Variants in TRIM15 observed in about 807,000 individuals in gnomAD.
TRIM15 encodes E3 ubiquitin-protein ligase TRIM15.
A neutral mutation model predicts 35.8 loss-of-function variants in TRIM15; 35 were observed. The observed-to-expected ratio is 0.98, with a 90% CI of 0.75 to 1.30. The LOEUF (loss-of-function observed/expected upper bound fraction) is 1.30, where lower values mean the gene tolerates loss of function less well. TRIM15 is among the 50% of genes most tolerant of loss of function. The pLI is 0.00. For missense variants in TRIM15, 590 were observed against 593.5 expected, an observed-to-expected ratio of 0.99 and a Z score of 0.06; for synonymous variants, 252 against 249.8, an observed-to-expected ratio of 1.01 and a Z score of -0.08.
At position 30,169,272 on chromosome 6, in the gene TRIM15, C is replaced by A. The variant is rs746614167; in HGVS notation, c.731+9C>A. 1.9e-6 allele frequency: 3 copies of A among 1,613,088 alleles called. No homozygotes were observed. The highest frequency in any genetic ancestry group is 2.5e-6 in the Non-Finnish European group (3 of 1,180,002). ...AGAGTCAACCAGAGCAGGTAGGGCC[C>A]ACTCCCCGGTCCTGCCTCCTTTTAC... On this transcript the variant is annotated intron_variant, in intron 4 of 6. Coordinates refer to ENST00000376694, the MANE Select transcript of TRIM15 (RefSeq NM_033229.3).
Position 30,172,619 on chromosome 6 carries a change from A to G in TRIM15, c.*270A>G. On this transcript the variant is annotated 3_prime_UTR_variant, in exon 7 of 7. Coordinates refer to ENST00000376694, the MANE Select transcript of TRIM15 (RefSeq NM_033229.3). ...TCGGCTGTGCCTAGGGCAACAGCCA[A>G]CCTAGGAGCCAGCGGGCTTTCGGGG... 2.9e-6 allele frequency: 2 copies of G among 679,040 alleles called. No individual in the cohort carries two copies. The highest frequency in any genetic ancestry group is 1.6e-5 in the South Asian group (1 of 64,204). 42.1% of individuals were successfully genotyped at this position (679,040 alleles called of 1,614,324 possible).
At chr6:30,171,197 A>G (rs1773992588) in intron 6 of TRIM15, 189 bp downstream of exon 6, 3 of 615,198 alleles carry the variant, frequency 4.9e-6, no homozygotes, top group Non-Finnish European at 8.3e-6. Flanking sequence ...CATCAGTAAA[A>G]TGAAAATAAA....
rs1324237557 is a variant in TRIM15, at chr6:30,170,377, C to G, written c.732-124C>G. 8.2e-6 allele frequency: 5 copies of G among 610,388 alleles called. No individual in the cohort carries two copies. The Admixed American group carries it at 1.5e-4, about 19-fold the overall frequency. 37.8% of individuals were successfully genotyped at this position (610,388 alleles called of 1,614,324 possible). A position where few individuals can be genotyped will look rare whatever the true frequency, so the allele number is the denominator to read the frequency against. On this transcript the variant is annotated intron_variant, in intron 4 of 6. Coordinates refer to ENST00000376694, the MANE Select transcript of TRIM15 (RefSeq NM_033229.3). ...TTCCAGCAAAAGTAAAGAAATGATACTCAATTTCATTATTCACCACAGACG... is the reference window on the plus strand; with the variant it reads ...TTCCAGCAAAAGTAAAGAAATGATAGTCAATTTCATTATTCACCACAGACG...
Position 30,167,179 on chromosome 6 carries a change from C to T in TRIM15, c.385C>T (p.Arg129Cys), listed in dbSNP as rs373372000. Residue 129 changes from arginine (R) to cysteine (C), a missense_variant, in exon 2 of 7, where the codon CGT (arginine) becomes TGT (cysteine). Physicochemically the swap from Arg to Cys is radical, Grantham distance 180 (BLOSUM62 -3). Transcript: ENST00000376694. ...CCACCCATTCTTCTCCCCACAGGATCGTCTCAGGAGTCGACTGGAAGCTCT... is the reference window on the plus strand; with the variant it reads ...CCACCCATTCTTCTCCCCACAGGATTGTCTCAGGAGTCGACTGGAAGCTCT... The part of the protein sequence containing the change: ...LDEAIQPYRD[R>C]LRSRLEALST... 23 of 1,612,498 alleles carry T rather than the reference C, an allele frequency of 1.4e-5. No individual in the cohort carries two copies. The highest frequency in any genetic ancestry group is 1.9e-5 in the Non-Finnish European group (22 of 1,179,554).
intron 1 of TRIM15, among the ~76,000 whole-genome samples, chr6:30,165,169 A>G (rs1773508376): frequency 6.6e-6 from 1 of 151,888 alleles, no homozygotes; most frequent in Non-Finnish European, 1.5e-5. Context: ...TTTGTTACAT[A>G]GGTATATACG....
At chr6:30,169,516 T>C (rs1302506819) in intron 4 of TRIM15, 13 of 696,380 alleles carry the variant, frequency 1.9e-5, no homozygotes, top group Non-Finnish European at 3.4e-5. Context: ...ATAATAATCA[T>C]GTTTTTAGGT....
At position 30,163,553 on chromosome 6, in the gene TRIM15, T is replaced by TG; in HGVS notation, c.-132_-131insG. The TG allele has an allele frequency of 9.5e-6, 12 of 1,262,000 alleles. No homozygotes were observed. The highest frequency in any genetic ancestry group is 1.3e-5 in the Non-Finnish European group (12 of 934,932). The allele number at this position is 1,262,000 out of a possible 1,614,324, so 78.2% of individuals were successfully genotyped here. On this transcript the variant is annotated 5_prime_UTR_variant, in exon 1 of 7. Coordinates refer to ENST00000376694, the MANE Select transcript of TRIM15 (RefSeq NM_033229.3). ...GCTGGCATTCTTGCCTCTCTCTCTC[T>TG]TTCTCTCTCTCTGTCTCTTAGCCTT...
At chr6:30,167,554 G>A (rs368336814) in intron 2 of TRIM15, among the ~76,000 whole-genome samples, 11 of 152,196 alleles carry the variant, frequency 7.2e-5, no homozygotes, top group African/African-American at 2.4e-4. Context: ...CAAAGCTGAA[G>A]TTCATGAGGA....
Position 30,172,061 on chromosome 6 carries a change from G to T in TRIM15, c.1110G>T (p.Glu370Asp). 1.3e-6 allele frequency: 2 copies of T among 1,570,828 alleles called. No individual in the cohort carries two copies. Among genetic ancestry groups the T allele is most frequent in the Non-Finnish European group, 1.7e-6 (2 of 1,158,234 alleles). ...GCTGCACGGTGGGGGTGGCCGGGGA[G>T]GGGGTGAGGAGGAAGGGAGAGATGG... ...GGGCTVGVAGEGVRRKGEMGL... is the reference protein window; with the variant it reads ...GGGCTVGVAGDGVRRKGEMGL... Residue 370 changes from glutamate to aspartate, a missense_variant, in exon 7 of 7, where the codon GAG (glutamate) becomes GAT (aspartate). Coordinates refer to ENST00000376694, the MANE Select transcript of TRIM15 (RefSeq NM_033229.3).
intron 3 of TRIM15, 132 bp downstream of exon 3, chr6:30,168,662 G>A: frequency 2.3e-6 from 2 of 866,288 alleles, no homozygotes; most frequent in South Asian, 2.9e-5. Flanking sequence ...GATCCAGAGG[G>A]GCTGGAGACT....
chr6:30,168,727 G>A, intron 3 of TRIM15, 197 bp downstream of exon 3: 1 of 626,762 alleles, frequency 1.6e-6, no homozygotes, highest in Non-Finnish European at 2.8e-6. Flanking sequence ...GACAGTCTTG[G>A]ATTTGAATGT....
Position 30,171,015 on chromosome 6 carries a change from A to G in TRIM15, c.880+7A>G, listed in dbSNP as rs367907513. 1.6e-5 allele frequency: 26 copies of G among 1,611,210 alleles called. No homozygotes were observed. In the African/African-American group the frequency reaches 3.1e-4, roughly 19 times the overall value. On this transcript the variant is annotated splice_region_variant and intron_variant, in intron 6 of 6. Transcript: ENST00000376694. ...CATCTGGAAATAGATTCAGGTAAAC[A>G]GCTTGGGATTTGGGGAGTCATTCTT...
chr6:30,170,113 TC>T (rs977668271), intron 4 of TRIM15, among the ~76,000 whole-genome samples: 1 of 152,134 alleles, frequency 6.6e-6, no homozygotes, highest in African/African-American at 2.4e-5. Flanking sequence ...CCTTTTTTTT[TC>T]TTCCCTTCTA....
At position 30,172,319 on chromosome 6, in the gene TRIM15, AAAAGGTTCCT is replaced by A; in HGVS notation, c.1369_1378del (p.Lys457AlafsTer4). Reference sequence around the variant, plus strand: ...TCTTCCCTTTCTTTGCCGTCTGGAAAAAAGGTTCCTGCCTTACGCTGAAAGGCTGAAGTGG... The same window carrying A: ...TCTTCCCTTTCTTTGCCGTCTGGAAAGCCTTACGCTGAAAGGCTGAAGTGG... On this transcript the variant is annotated frameshift_variant, in exon 7 of 7. Coordinates refer to ENST00000376694, the MANE Select transcript of TRIM15 (RefSeq NM_033229.3). LOFTEE classifies it low-confidence loss of function (END_TRUNC). 3.1e-6 allele frequency: 5 copies of A among 1,611,930 alleles called. No individual in the cohort carries two copies. Among genetic ancestry groups the A allele is most frequent in the Non-Finnish European group, 4.2e-6 (5 of 1,179,478 alleles).
chr6:30,171,800 C>A, intron 6 of TRIM15, 32 bp from the exon 7 acceptor site: 1 of 1,480,912 alleles, frequency 6.8e-7, no homozygotes, highest in Non-Finnish European at 9.0e-7. Context: ...GGTTGCCGCC[C>A]GCTGTTGATG....
In TRIM15 at chr6:30,169,119, C is replaced by T. The variant is rs539481923; in HGVS notation, c.709-122C>T. ...ACAATCTAATGAGTAGGTAATTAAACAGGACAACTCTCTGCAGAAGGAGAG... is the reference window on the plus strand; with the variant it reads ...ACAATCTAATGAGTAGGTAATTAAATAGGACAACTCTCTGCAGAAGGAGAG... On this transcript the variant is annotated intron_variant, in intron 3 of 6. Transcript: ENST00000376694. The T allele has an allele frequency of 6.4e-5, 76 of 1,179,266 alleles. No individual in the cohort carries two copies. In the East Asian group the frequency reaches 1.7e-3, roughly 27 times the overall value. 73.1% of individuals were successfully genotyped at this position (1,179,266 alleles called of 1,614,324 possible).
At chr6:30,165,196 T>C (rs1194594754) in intron 1 of TRIM15, among the ~76,000 whole-genome samples, 3 of 152,134 alleles carry the variant, frequency 2.0e-5, no homozygotes, top group Non-Finnish European at 4.4e-5. Context: ...GGTGGTTTGC[T>C]GCACCCATCA....
rs750714378 is a variant in TRIM15 at position 30,170,593 on chromosome 6, C to A, written c.824C>A (p.Pro275Gln). The change falls in exon 5 of 7, where the codon CCA (proline) becomes CAA (glutamine). Residue 275 changes from proline (P) to glutamine (Q), a missense_variant. By Grantham distance (76) the Pro-to-Gln change is moderately conservative. Coordinates refer to ENST00000376694, the MANE Select transcript of TRIM15 (RefSeq NM_033229.3). ...TTCCACAGGAAAATACTCACCCTCC[C>A]AGAGATGATGAGGATGTTCTCAGGT... is the stretch of plus-strand genomic sequence containing the variant. ...RDFHRKILTL[P>Q]EMMRMFSENL... 28 of 1,613,844 alleles carry A rather than the reference C, an allele frequency of 1.7e-5. No individual in the cohort carries two copies. The highest frequency in any genetic ancestry group is 2.2e-5 in the Non-Finnish European group (26 of 1,179,936).
Position 30,172,002 on chromosome 6 carries a change from T to C in TRIM15, c.1051T>C (p.Trp351Arg). ...FPGFSSGRHR[W>R]QVDLQLGDGG... ...GGGCTTCTCCTCCGGGCGCCACCGC[T>C]GGCAGGTTGACCTGCAGCTGGGCGA... Residue 351 changes from tryptophan to arginine, a missense_variant, in exon 7 of 7, where the codon TGG (tryptophan) becomes CGG (arginine). Trp to Arg is a moderately radical substitution (Grantham distance 101). Transcript: ENST00000376694. 1.3e-6 allele frequency: 2 copies of C among 1,578,660 alleles called. No individual in the cohort carries two copies. The highest frequency in any genetic ancestry group is 1.3e-5 in the African/African-American group (1 of 74,410).
Sources: gnomAD v4.1 joint callset for allele counts (sites outside exome capture counted in the v4.1 genomes callset) on GRCh38, gnomAD v4.1.1 for gene constraint, MANE v1.5 for transcripts, NCBI Gene and HGNC (gene_info 2026-07-23, HGNC 2026-07-21) for gene names.